Variants in SMC1B observed in about 807,000 individuals in gnomAD.
The protein encoded by SMC1B is structural maintenance of chromosomes 1B, also known as structural maintenance of chromosomes protein 1B.
A neutral mutation model predicts 157.9 loss-of-function variants in SMC1B; 60 were observed. The observed-to-expected ratio is 0.38, with a 90% confidence interval of 0.31 to 0.47. SMC1B has a LOEUF of 0.47. Among genes scored for constraint, SMC1B ranks in the 20% least tolerant of loss-of-function variants. The probability of loss-of-function intolerance (pLI) is 0.99; values close to 1 mark genes in which losing one functional copy is unlikely to be tolerated. For synonymous variants in SMC1B, 445 were observed against 483.0 expected (o/e 0.92, Z 1.03); for missense variants, 1,165 against 1,426.2 (o/e 0.82, Z 2.95).
At chr22:45,358,662 C>T in intron 19 of SMC1B, 35 bp downstream of exon 19, 1 of 1,242,162 alleles carries the variant, frequency 8.1e-7, no homozygotes, top group Non-Finnish European at 1.2e-6. Flanking sequence ...TTCCGTATTA[C>T]TGTGAGTGAT....
In SMC1B at chr22:45,353,961, G is replaced by A; in HGVS notation, c.3273+17C>T. On this transcript the variant is annotated intron_variant, in intron 21 of 24. Transcript: ENST00000357450. ...ACACAGAATTCTCACTAGTATTTGA[G>A]GATGAAAGATACATACTTGGGCGCT... The A allele has an allele frequency of 1.4e-6, 2 of 1,390,198 alleles. No homozygotes were observed. The highest frequency in any genetic ancestry group is 1.9e-6 in the Non-Finnish European group (2 of 1,040,120). The allele number at this position is 1,390,198 out of a possible 1,614,324, so 86.1% of individuals were successfully genotyped here.
At chr22:45,399,890 G>A (rs2087172504) in intron 5 of SMC1B, among the ~76,000 whole-genome samples, 1 of 152,142 alleles carries the variant, frequency 6.6e-6, no homozygotes, top group South Asian at 2.1e-4. Flanking sequence ...GCTATTACAC[G>A]TGATTACTGG....
chr22:45,364,382 CATTA>C (rs2086752301), intron 15 of SMC1B, among the ~76,000 whole-genome samples: 1 of 151,810 alleles, frequency 6.6e-6, no homozygotes, highest in East Asian at 1.9e-4. Context: ...ACAATTAAAA[CATTA>C]ATAACTATTT....
At chr22:45,388,986 C>CAAAAAA (rs371475132) in intron 10 of SMC1B, among the ~76,000 whole-genome samples, 35 of 53,194 alleles carry the variant, frequency 6.6e-4, no homozygotes, top group Middle Eastern at 0.014. Context: ...GACTCTGCCT[C>CAAAAAA]AAAAAAAAAA....
In SMC1B at chr22:45,386,869, T is replaced by G. The variant is rs1442367116; in HGVS notation, c.1909A>C (p.Lys637Gln). ...GTGATCCAAGCCTCTTTTCTTACTTTCTGTCTTTCAGGTCCACTGAGTGCA... is the reference window on the plus strand; with the variant it reads ...GTGATCCAAGCCTCTTTTCTTACTTGCTGTCTTTCAGGTCCACTGAGTGCA... Reference protein sequence around the residue: ...HIALSGPERQKTVALDGTLFL... With the variant: ...HIALSGPERQQTVALDGTLFL... Residue 637 changes from lysine to glutamine, a missense_variant and splice_region_variant, in exon 11 of 25, where the codon AAA becomes CAA. Physicochemically the swap from Lys to Gln is moderately conservative, Grantham distance 53. Transcript: ENST00000357450. The G allele has an allele frequency of 1.2e-6, 2 of 1,612,286 alleles. No individual in the cohort carries two copies. Among genetic ancestry groups the G allele is most frequent in the Admixed American group, 1.7e-5 (1 of 59,830 alleles).
chr22:45,391,346 T>C (rs188248026), intron 9 of SMC1B, among the ~76,000 whole-genome samples: 33 of 152,356 alleles, frequency 2.2e-4, no homozygotes, highest in African/African-American at 5.8e-4. Flanking sequence ...TCTTATTGTT[T>C]TACCTCATAT....
intron 21 of SMC1B, among the ~76,000 whole-genome samples, 170 bp downstream of exon 21, chr22:45,353,808 C>T: frequency 7.0e-6 from 1 of 142,596 alleles, no homozygotes; most frequent in East Asian, 2.1e-4. Flanking sequence ...ATCTACAACG[C>T]AGGTCATTAG....
At chr22:45,364,824 C>CTTTTTTTTTT (rs202166311) in intron 15 of SMC1B, among the ~76,000 whole-genome samples, 2 of 105,504 alleles carry the variant, frequency 1.9e-5, no homozygotes, top group African/African-American at 4.2e-5. Flanking sequence ...ATCTCTTTTC[C>CTTTTTTTTTT]TTTTTTTTTT....
chr22:45,405,721 C>T (rs905834742), intron 4 of SMC1B, among the ~76,000 whole-genome samples: 4 of 152,112 alleles, frequency 2.6e-5, no homozygotes, highest in African/African-American at 9.7e-5. Context: ...GTAATGTGGT[C>T]ATGGCCTCCT....
At chr22:45,385,895 T>C (rs1176958764) in intron 11 of SMC1B, among the ~76,000 whole-genome samples, 1 of 152,106 alleles carries the variant, frequency 6.6e-6, no homozygotes, top group Non-Finnish European at 1.5e-5. Context: ...TCAATAAATT[T>C]AACACTGGAA....
intron 9 of SMC1B, among the ~76,000 whole-genome samples, chr22:45,392,776 C>A (rs576389138): frequency 2.2e-4 from 34 of 152,242 alleles, no homozygotes; most frequent in Non-Finnish European, 4.6e-4. Context: ...TCTCAGCTCA[C>A]TGCAAACTCT....
chr22:45,357,462 G>A (rs1349896155), intron 19 of SMC1B, among the ~76,000 whole-genome samples: 1 of 152,252 alleles, frequency 6.6e-6, no homozygotes, highest in Non-Finnish European at 1.5e-5. Context: ...TGTCTACTAA[G>A]GGTACTGCAG....
intron 1 of SMC1B, among the ~76,000 whole-genome samples, chr22:45,413,041 G>T (rs1003239726): frequency 7.5e-6 from 1 of 133,842 alleles, no homozygotes; most frequent in Non-Finnish European, 1.5e-5. Flanking sequence ...GAGAGGAAGC[G>T]TCAGGACCCC....
At chr22:45,362,143 A>C (rs1236360905) in intron 16 of SMC1B, among the ~76,000 whole-genome samples, 159 bp from the exon 17 acceptor site, 1 of 152,142 alleles carries the variant, frequency 6.6e-6, no homozygotes, top group Non-Finnish European at 1.5e-5. Context: ...CACGTTCTAC[A>C]CTTTTTAGAA....
intron 15 of SMC1B, among the ~76,000 whole-genome samples, chr22:45,366,329 T>C (rs570238727): frequency 1.3e-5 from 2 of 152,294 alleles, no homozygotes; most frequent in East Asian, 3.9e-4. Context: ...CAGCCTCCAG[T>C]TGGATTTTTG....
intron 19 of SMC1B, among the ~76,000 whole-genome samples, chr22:45,357,250 T>C (rs578052539): frequency 2.0e-5 from 3 of 152,348 alleles, no homozygotes; most frequent in East Asian, 3.9e-4. Flanking sequence ...GCTGCACTCA[T>C]GTGGCATTCA....
At chr22:45,392,043 T>C (rs1372629085) in intron 9 of SMC1B, among the ~76,000 whole-genome samples, 1 of 151,980 alleles carries the variant, frequency 6.6e-6, no homozygotes, top group East Asian at 1.9e-4. Context: ...GCCTCCCGGG[T>C]TCAAGCAATT....
At chr22:45,386,810 G>A in intron 11 of SMC1B, 57 bp downstream of exon 11, 1 of 1,470,322 alleles carries the variant, frequency 6.8e-7, no homozygotes, top group Non-Finnish European at 9.4e-7. Flanking sequence ...GTGTATGCTA[G>A]TCTTATAAAT....
At chr22:45,345,200 T>C (rs1417455665) in intron 24 of SMC1B, among the ~76,000 whole-genome samples, 1 of 152,240 alleles carries the variant, frequency 6.6e-6, no homozygotes, top group East Asian at 1.9e-4. Context: ...TAAATTAACA[T>C]GGACTTATTT....
Sources: allele counts gnomAD v4.1 joint callset (sites outside exome capture counted in the v4.1 genomes callset), GRCh38; gene constraint gnomAD v4.1.1; transcripts MANE v1.5; gene names NCBI Gene and HGNC (gene_info 2026-07-23, HGNC 2026-07-21).